SEMA6D: variants seen among roughly 807,000 people sequenced by gnomAD.
SEMA6D encodes the protein semaphorin-6D.
A neutral mutation model predicts 106.6 loss-of-function variants in SEMA6D; 35 were observed. The ratio of observed to expected loss-of-function variants is 0.33; its 90% CI spans 0.25 to 0.44. The LOEUF is 0.44. SEMA6D is among the 20% of genes least tolerant of loss of function. The probability of loss-of-function intolerance (pLI) is 1.00; values close to 1 mark genes in which losing one functional copy is unlikely to be tolerated. For missense variants in SEMA6D, 1,185 were observed against 1,345.9 expected (o/e 0.88, Z 1.87); for synonymous variants, 499 against 487.7 (o/e 1.02, Z -0.31).
chr15:47,224,762 C>CA (rs1394722997), intron 1 of SEMA6D, among the ~76,000 whole-genome samples: 1 of 152,020 alleles, frequency 6.6e-6, no homozygotes, highest in African/African-American at 2.4e-5. Context: ...AACCTGTTAA[C>CA]ATCCACAACT....
chr15:47,685,460 G>A (rs2078448088), intron 4 of SEMA6D, among the ~76,000 whole-genome samples: 2 of 152,200 alleles, frequency 1.3e-5, no homozygotes, highest in African/African-American at 4.8e-5. Flanking sequence ...TCTTTTCAAA[G>A]GCCATGTGGA....
intron 1 of SEMA6D, among the ~76,000 whole-genome samples, chr15:47,316,511 TTAAGTA>T (rs2036686126): frequency 6.6e-6 from 1 of 152,054 alleles, no homozygotes; most frequent in African/African-American, 2.4e-5. Flanking sequence ...TTTCTCACAA[TTAAGTA>T]TGATGTTAGC....
At chr15:47,246,583 C>T (rs1486680844) in intron 1 of SEMA6D, among the ~76,000 whole-genome samples, 1 of 152,196 alleles carries the variant, frequency 6.6e-6, no homozygotes, top group Non-Finnish European at 1.5e-5. Flanking sequence ...ATGGCCCTTT[C>T]CTCCATCTTC....
chr15:47,759,775 A>C lies in SEMA6D; in HGVS notation c.-24A>C. The C allele has an allele frequency of 6.3e-7, 1 of 1,580,734 alleles. No homozygotes were observed. The highest frequency in any genetic ancestry group is 8.7e-7 in the Non-Finnish European group (1 of 1,149,844). ...TCAGTGGCATTTCTGAGCAGGGGCCACCCTGACTTCACCTTGGCCCACCAT... is the reference window on the plus strand; with the variant it reads ...TCAGTGGCATTTCTGAGCAGGGGCCCCCCTGACTTCACCTTGGCCCACCAT... On this transcript the variant is annotated 5_prime_UTR_variant, in exon 2 of 19. Transcript: ENST00000536845.
In SEMA6D at chr15:47,316,138, G is replaced by A. The variant is rs569184845; in HGVS notation, c.-238-96255G>A. Among the ~76,000 whole-genome samples the A allele has an allele frequency of 4.1e-4, 39 of 94,692 alleles. 1 individual carries two copies. Among genetic ancestry groups the A allele is most frequent in the Non-Finnish European group, 6.2e-4 (33 of 52,824 alleles). 62.1% of individuals were successfully genotyped at this position (94,692 alleles called of 152,430 possible). ...GACAGAATCTTGTTCTGTCACCCAG[G>A]CTGGAGTGCAGTAGTGTGATCTCTG... On this transcript the variant is annotated intron_variant, in intron 1 of 19. Transcript: ENST00000558014.
intron 4 of SEMA6D, among the ~76,000 whole-genome samples, chr15:47,631,802 CA>C (rs2144521566): frequency 6.6e-6 from 1 of 152,018 alleles, no homozygotes; most frequent in South Asian, 2.1e-4. Context: ...TTGAAACCAC[CA>C]AGTTTGTGGT....
chr15:47,405,119 G>T (rs570359198), intron 1 of SEMA6D, among the ~76,000 whole-genome samples: 1 of 152,070 alleles, frequency 6.6e-6, no homozygotes, highest in African/African-American at 2.4e-5. Flanking sequence ...CAGGAGATGC[G>T]CCATGTAGCA....
chr15:47,525,468 G>A (rs1424371782), intron 3 of SEMA6D: 1 of 152,182 alleles, frequency 6.6e-6, no homozygotes, highest in Admixed American at 6.5e-5. Flanking sequence ...TCTACCACCT[G>A]GGTAAGAAGT....
chr15:47,602,144 T>C (rs1316334784), intron 4 of SEMA6D, among the ~76,000 whole-genome samples: 6 of 152,188 alleles, frequency 3.9e-5, no homozygotes, highest in Non-Finnish European at 8.8e-5. Context: ...GAGGAGTAAT[T>C]CCTTCAGTTT....
chr15:47,594,958 A>G (rs771062610), intron 3 of SEMA6D, among the ~76,000 whole-genome samples: 2 of 152,120 alleles, frequency 1.3e-5, no homozygotes, highest in African/African-American at 2.4e-5. Context: ...ATGTTAAGGC[A>G]TGGAGGCTGA....
intron 1 of SEMA6D, among the ~76,000 whole-genome samples, chr15:47,391,997 C>A (rs778826615): frequency 5.9e-5 from 9 of 152,092 alleles, no homozygotes; most frequent in Non-Finnish European, 1.2e-4. Flanking sequence ...CCAACACCCA[C>A]CCCCTTTGCC....
At chr15:47,257,355 C>G (rs934316736) in intron 1 of SEMA6D, among the ~76,000 whole-genome samples, 11 of 152,194 alleles carry the variant, frequency 7.2e-5, no homozygotes, top group Non-Finnish European at 1.5e-4. Flanking sequence ...CTGCACCCGA[C>G]CAATTCTTTT....
intron 1 of SEMA6D, among the ~76,000 whole-genome samples, chr15:47,248,256 A>C (rs2141879275): frequency 6.6e-6 from 1 of 152,326 alleles, no homozygotes; most frequent in South Asian, 2.1e-4. Context: ...TAGAAGCAAA[A>C]AAATTAAAAA....
intron 1 of SEMA6D, among the ~76,000 whole-genome samples, chr15:47,210,760 G>A (rs1406827492): frequency 6.8e-4 from 62 of 91,228 alleles, no homozygotes; most frequent in African/African-American, 2.9e-3. Context: ...GGGAGACTCC[G>A]TCTCAAAAAA....
chr15:47,712,774 G>C (rs547579605), upstream of SEMA6D, among the ~76,000 whole-genome samples: 3 of 152,150 alleles, frequency 2.0e-5, no homozygotes, highest in Admixed American at 6.5e-5. Context: ...TCAGAGGCTT[G>C]GTTACTGTAA....
rs144159478 is a variant in SEMA6D, at chr15:47,275,850, G to A, written c.-239+91432G>A. 2.9e-3 allele frequency among the ~76,000 whole-genome samples: 441 copies of A among 152,228 alleles called. 1 individual carries two copies. The highest frequency in any genetic ancestry group is 5.1e-3 in the Non-Finnish European group (348 of 68,006). The stretch of plus-strand genomic sequence containing the variant: ...GTCCTATCAGAAGCCAAGACAGGCC[G>A]AAAGCAAGGCCTCTTGTACCAGTTA... On this transcript the variant is annotated intron_variant, in intron 1 of 19. Coordinates refer to the SEMA6D transcript ENST00000558014.
At chr15:47,712,719 C>T (rs888790879), upstream of SEMA6D, among the ~76,000 whole-genome samples, 1 of 152,310 alleles carries the variant, frequency 6.6e-6, no homozygotes, top group South Asian at 2.1e-4. Flanking sequence ...TTGGTTAAGA[C>T]AGTCTAACAT....
chr15:47,564,224 A>G (rs2046163048), intron 3 of SEMA6D, among the ~76,000 whole-genome samples: 1 of 152,200 alleles, frequency 6.6e-6, no homozygotes, highest in Admixed American at 6.5e-5. Context: ...TGCCTATACA[A>G]GCTTACCCGC....
chr15:47,227,431 T>TTCTTTC lies in SEMA6D; in HGVS notation c.-239+43015_-239+43020dup, dbSNP rs1443896338. ...TCTTTCTTTCTTTCTCTTTCTTTCT[T>TTCTTTC]TCTTTCTTTTCTTTCTTTTCTTTCT... On this transcript the variant is annotated intron_variant, in intron 1 of 19. Coordinates refer to the SEMA6D transcript ENST00000558014. Among the ~76,000 whole-genome samples, 9 of 145,986 alleles carry TTCTTTC rather than the reference T, an allele frequency of 6.2e-5. No homozygotes were observed. The East Asian group carries it at 1.8e-3, about 29-fold the overall frequency.
Sources: allele counts gnomAD v4.1 joint callset (sites outside exome capture counted in the v4.1 genomes callset), GRCh38; gene constraint gnomAD v4.1.1; transcripts MANE v1.5; gene names NCBI Gene and HGNC (gene_info 2026-07-23, HGNC 2026-07-21).